Variants in F8 observed in about 807,000 individuals in gnomAD.
The protein encoded by F8 is coagulation factor VIII.
A neutral mutation model predicts 140.6 loss-of-function variants in F8; 12 were observed. That is an observed-to-expected ratio of 0.09 (90% CI 0.05 to 0.14). The LOEUF is 0.14. Among genes scored for constraint, F8 ranks in the 10% least tolerant of loss-of-function variants. The pLI, the probability that F8 is intolerant of heterozygous loss-of-function variation, is 1.00. For missense variants in F8, 1,354 were observed against 1,720.7 expected, an observed-to-expected ratio of 0.79 and a Z score of 3.77; for synonymous variants, 585 against 614.6, an observed-to-expected ratio of 0.95 and a Z score of 0.71.
At chrX:154,995,200 C>T (rs1238528954) in intron 3 of F8, among the ~76,000 whole-genome samples, 1 of 111,830 alleles carries the variant, frequency 8.9e-6, no homozygotes, top group Non-Finnish European at 1.9e-5. Context: ...GAAAAAAATA[C>T]CCTTTTTCCC....
At chrX:154,859,829 G>C (rs782162245) in intron 25 of F8, among the ~76,000 whole-genome samples, 84 of 110,678 alleles carry the variant, frequency 7.6e-4, no homozygotes, top group African/African-American at 2.2e-3. Context: ...GGCAGTAGAG[G>C]GTAGCTAGAA....
intron 22 of F8, among the ~76,000 whole-genome samples, chrX:154,870,514 TC>T (rs1252870707): frequency 1.8e-5 from 2 of 111,286 alleles, no homozygotes; most frequent in African/African-American, 6.5e-5. Context: ...TGCTAAAAAC[TC>T]TCAATAAACT....
intron 14 of F8, among the ~76,000 whole-genome samples, chrX:154,918,122 T>C (rs1486080167): frequency 1.8e-5 from 2 of 111,933 alleles, no homozygotes; most frequent in African/African-American, 6.5e-5. Context: ...GATTACTGCC[T>C]CTTTTTTGGC....
At chrX:155,014,869 C>G (rs1385419235) in intron 1 of F8, among the ~76,000 whole-genome samples, 1 of 112,366 alleles carries the variant, frequency 8.9e-6, no homozygotes, top group Non-Finnish European at 1.9e-5. Context: ...TCTACAGATT[C>G]AATTCAATTC....
chrX:154,982,044 C>T (rs189501267), intron 6 of F8, among the ~76,000 whole-genome samples: 146 of 109,096 alleles, frequency 1.3e-3, no homozygotes, highest in African/African-American at 4.7e-3. Context: ...ATTAGGTGGG[C>T]GTGGTGGCAC....
intron 1 of F8, among the ~76,000 whole-genome samples, chrX:155,007,549 A>G (rs1159327967): frequency 8.9e-6 from 1 of 112,164 alleles, no homozygotes. Flanking sequence ...CATAGCAGGA[A>G]GTGAGCAGCA....
intron 13 of F8, among the ~76,000 whole-genome samples, chrX:154,932,563 G>A (rs2073203573): frequency 8.9e-6 from 1 of 112,041 alleles, no homozygotes; most frequent in Non-Finnish European, 1.9e-5. Context: ...CAAAAGCCCT[G>A]TGAATGCTTA....
At chrX:154,913,064 A>T (rs1557276870) in intron 14 of F8, among the ~76,000 whole-genome samples, 1 of 111,171 alleles carries the variant, frequency 9.0e-6, no homozygotes, top group Non-Finnish European at 1.9e-5. Context: ...ACAATTCCAT[A>T]ATTTTAGATC....
At chrX:154,944,108 T>G (rs369055290) in intron 13 of F8, among the ~76,000 whole-genome samples, 2 of 111,250 alleles carry the variant, frequency 1.8e-5, no homozygotes, top group East Asian at 5.6e-4. Flanking sequence ...CATAGGCATG[T>G]GCAAGGACTT....
chrX:154,904,273 T>C (rs376901359), intron 17 of F8, 23 bp downstream of exon 17: 1,203 of 1,155,792 alleles, frequency 1.0e-3, no homozygotes, highest in Non-Finnish European at 1.3e-3. Flanking sequence ...ACAGTGATAA[T>C]GTTTGGATGT....
chrX:154,847,331 G>A (rs781892390), intron 25 of F8, among the ~76,000 whole-genome samples: 1 of 111,000 alleles, frequency 9.0e-6, no homozygotes. Flanking sequence ...ATGTTGGCCT[G>A]CCTTGCTAGG....
chrX:154,962,879 G>C (rs2073402922), intron 9 of F8, among the ~76,000 whole-genome samples: 1 of 99,531 alleles, frequency 1.0e-5, no homozygotes, highest in Non-Finnish European at 2.0e-5. Flanking sequence ...AAGAGAGAGA[G>C]AGAGAGACAG....
chrX:154,992,624 A>C (rs1557284760), intron 4 of F8, among the ~76,000 whole-genome samples: 1 of 112,245 alleles, frequency 8.9e-6, no homozygotes, highest in African/African-American at 3.2e-5. Flanking sequence ...AGTTTGCAAA[A>C]GGCAGAGGAC....
intron 25 of F8, among the ~76,000 whole-genome samples, chrX:154,856,817 G>T (rs1236588422): frequency 8.9e-6 from 1 of 111,777 alleles, no homozygotes; most frequent in East Asian, 2.8e-4. Context: ...TAATTAATCA[G>T]ACCTTTCAGG....
chrX:154,976,023 G>A (rs1421845906), intron 6 of F8, among the ~76,000 whole-genome samples: 4 of 110,950 alleles, frequency 3.6e-5, no homozygotes, highest in Non-Finnish European at 7.6e-5. Flanking sequence ...AGCCTCCCGA[G>A]TAGCTGGGAC....
chrX:154,979,285 C>T (rs1311102675), intron 6 of F8, among the ~76,000 whole-genome samples: 1 of 111,616 alleles, frequency 9.0e-6, no homozygotes, highest in African/African-American at 3.3e-5. Context: ...CTAACTGTGG[C>T]AGTAGTGGCA....
chrX:155,012,325 T>G (rs2073709744), intron 1 of F8, among the ~76,000 whole-genome samples: 1 of 112,232 alleles, frequency 8.9e-6, no homozygotes, highest in South Asian at 3.7e-4. Flanking sequence ...CTTTTCTTTT[T>G]TTGAGACAGA....
chrX:154,997,325 T>G (rs2073623035), intron 2 of F8, among the ~76,000 whole-genome samples: 1 of 112,586 alleles, frequency 8.9e-6, no homozygotes, highest in African/African-American at 3.2e-5. Context: ...TCCTACTATA[T>G]TCTAGGAACT....
In F8 at chrX:154,863,186, A is replaced by G. The variant is rs781917408; in HGVS notation, c.6471T>C (p.Asn2157=). The change falls in exon 23 of 26, where the codon AAT becomes AAC. Residue 2157 remains asparagine (N), a synonymous_variant. Coordinates refer to ENST00000360256, the MANE Select transcript of F8 (RefSeq NM_000132.4). Reference sequence around the variant, plus strand: ...GAGCAATAATTGGAGGGTTAAAAATATTGTGTTTTATCCCAGATGAATCCA... The same window carrying G: ...GAGCAATAATTGGAGGGTTAAAAATGTTGTGTTTTATCCCAGATGAATCCA... ...GNVDSSGIKH[N]IFNPPIIARY... 8.3e-7 allele frequency: 1 copy of G among 1,208,761 alleles called. No homozygotes were observed. The highest frequency in any genetic ancestry group is 1.8e-5 in the South Asian group (1 of 56,925).
Sources: allele counts gnomAD v4.1 joint callset (sites outside exome capture counted in the v4.1 genomes callset), GRCh38; gene constraint gnomAD v4.1.1; transcripts MANE v1.5; gene names NCBI Gene and HGNC (gene_info 2026-07-23, HGNC 2026-07-21).